Variants in ZFPM2 observed in about 807,000 individuals in gnomAD.
ZFPM2 encodes the protein zinc finger protein ZFPM2.
Under a neutral mutation model 98.6 loss-of-function variants are expected in ZFPM2, and 20 were observed. The ratio of observed to expected loss-of-function variants is 0.20; its 90% CI spans 0.14 to 0.29. The LOEUF (loss-of-function observed/expected upper bound fraction) is 0.29, where lower values mean the gene tolerates loss of function less well. Among genes scored for constraint, ZFPM2 ranks in the 10% least tolerant of loss-of-function variants. The pLI, the probability that ZFPM2 is intolerant of heterozygous loss-of-function variation, is 1.00. For synonymous variants in ZFPM2, 518 were observed against 502.7 expected, an observed-to-expected ratio of 1.03 and a Z score of -0.41; for missense variants, 1,310 against 1,388.6, an observed-to-expected ratio of 0.94 and a Z score of 0.90.
At chr8:105,766,726 C>T (rs1292192299) in intron 5 of ZFPM2, among the ~76,000 whole-genome samples, 1 of 151,820 alleles carries the variant, frequency 6.6e-6, no homozygotes, top group African/African-American at 2.4e-5. Context: ...TAATCAGACT[C>T]ATTCAGGAAA....
intron 5 of ZFPM2, among the ~76,000 whole-genome samples, chr8:105,721,255 A>C (rs572050205): frequency 2.1e-3 from 318 of 152,062 alleles, no homozygotes; most frequent in Non-Finnish European, 3.4e-3. Context: ...GGTTGAAAAA[A>C]ATCGTGTTTA....
intron 5 of ZFPM2, among the ~76,000 whole-genome samples, chr8:105,744,609 G>A (rs1289757536): frequency 6.6e-6 from 1 of 151,874 alleles, no homozygotes; most frequent in Non-Finnish European, 1.5e-5. Context: ...TCCAAACTAG[G>A]TGTGAGTTTC....
At chr8:105,640,683 A>G (rs35505911) in intron 5 of ZFPM2, among the ~76,000 whole-genome samples, 16,554 of 152,044 alleles carry the variant, frequency 0.11, 1,065 homozygotes, top group South Asian at 0.22. Context: ...GATTCTTGTA[A>G]AAGTCCGAAC....
intron 3 of ZFPM2, among the ~76,000 whole-genome samples, chr8:105,514,327 TTTTTTTTTTA>T (rs1420143147): frequency 3.0e-4 from 21 of 69,626 alleles, no homozygotes; most frequent in Non-Finnish European, 5.7e-4. Flanking sequence ...TTTTTTTTTT[TTTTTTTTTTA>T]AATAAGGGAG....
intron 4 of ZFPM2, among the ~76,000 whole-genome samples, chr8:105,626,509 C>A (rs1816658211): frequency 6.6e-6 from 1 of 152,090 alleles, no homozygotes; most frequent in Admixed American, 6.5e-5. Context: ...AAATCGCGTA[C>A]AGCACCATTT....
chr8:105,469,468 T>C (rs1051141623), intron 3 of ZFPM2, among the ~76,000 whole-genome samples: 3 of 152,206 alleles, frequency 2.0e-5, no homozygotes, highest in Non-Finnish European at 4.4e-5. Context: ...CTTCTCTACC[T>C]GCCCATTGCT....
chr8:105,571,665 T>C (rs1815357315), intron 4 of ZFPM2, among the ~76,000 whole-genome samples: 1 of 152,240 alleles, frequency 6.6e-6, no homozygotes, highest in African/African-American at 2.4e-5. Flanking sequence ...TTAGCATCAA[T>C]CTCAGCTTGA....
chr8:105,561,965 C>CT (rs1563720824), intron 4 of ZFPM2, among the ~76,000 whole-genome samples: 1 of 148,808 alleles, frequency 6.7e-6, no homozygotes, highest in Non-Finnish European at 1.5e-5. Flanking sequence ...AACAGAAAGT[C>CT]TATCTCTTGC....
intron 1 of ZFPM2, among the ~76,000 whole-genome samples, chr8:105,332,304 G>A (rs1372284686): frequency 6.6e-6 from 1 of 151,730 alleles, no homozygotes; most frequent in Non-Finnish European, 1.5e-5. Context: ...GTACTAGAAT[G>A]TAAGCTCTCT....
intron 2 of ZFPM2, among the ~76,000 whole-genome samples, chr8:105,422,412 G>A (rs1033940535): frequency 2.4e-4 from 37 of 152,110 alleles, no homozygotes; most frequent in African/African-American, 7.5e-4. Flanking sequence ...CTGCATGCCC[G>A]CCTGGGCAAC....
chr8:105,800,987 C>T lies in ZFPM2; in HGVS notation c.965-60C>T. ...AACATTAGGTCATTAGAAAAGGTCC[C>T]TGTCATTCAAAAACCAACACACATG... is the stretch of plus-strand genomic sequence containing the variant. On this transcript the variant is annotated intron_variant, in intron 7 of 7. Transcript: ENST00000407775. 2.7e-6 allele frequency: 4 copies of T among 1,487,522 alleles called. No homozygotes were observed. In the South Asian group the frequency reaches 3.9e-5, roughly 14 times the overall value. The allele number at this position is 1,487,522 out of a possible 1,614,324, so 92.1% of individuals were successfully genotyped here. A position where few individuals can be genotyped will look rare whatever the true frequency, so the allele number is the denominator to read the frequency against.
At chr8:105,625,136 G>A (rs184173906) in intron 4 of ZFPM2, among the ~76,000 whole-genome samples, 39 of 152,202 alleles carry the variant, frequency 2.6e-4, no homozygotes, top group Non-Finnish European at 4.7e-4. Flanking sequence ...AGTGGTTCTC[G>A]TTATAGGATG....
Position 105,345,540 on chromosome 8 carries a change from A to C in ZFPM2, c.40+26559A>C, listed in dbSNP as rs530916123. Among the ~76,000 whole-genome samples, 93 of 150,464 alleles carry C rather than the reference A, an allele frequency of 6.2e-4. 2 individuals carry two copies. In the South Asian group the frequency reaches 0.018, roughly 30 times the overall value. Reference sequence around the variant, plus strand: ...CAGCATCATTTCTACCATCAAGGGAAGTTCATGCTTCCTTAAACGTATGGA... The same window carrying C: ...CAGCATCATTTCTACCATCAAGGGACGTTCATGCTTCCTTAAACGTATGGA... On this transcript the variant is annotated intron_variant, in intron 1 of 7. Transcript: ENST00000407775.
chr8:105,456,371 A>G (rs1481721191), intron 3 of ZFPM2, among the ~76,000 whole-genome samples: 1 of 152,060 alleles, frequency 6.6e-6, no homozygotes, highest in Non-Finnish European at 1.5e-5. Context: ...AATCAGCTGT[A>G]GTAAACAACC....
At chr8:105,552,812 CT>C (rs781365155) in intron 3 of ZFPM2, among the ~76,000 whole-genome samples, 5,467 of 112,426 alleles carry the variant, frequency 0.049, 335 homozygotes, top group African/African-American at 0.16. Flanking sequence ...TTCAGATGTT[CT>C]TTTTTTTTTT....
intron 1 of ZFPM2, among the ~76,000 whole-genome samples, chr8:105,363,725 T>G: frequency 6.6e-6 from 1 of 151,832 alleles, no homozygotes; most frequent in South Asian, 2.1e-4. Context: ...TTGGGGAAAC[T>G]TAGGAATGCT....
intron 5 of ZFPM2, among the ~76,000 whole-genome samples, chr8:105,695,639 A>C (rs1231039230): frequency 1.3e-5 from 2 of 152,176 alleles, no homozygotes; most frequent in African/African-American, 4.8e-5. Context: ...AGAATTACTC[A>C]TGCATGCTGA....
chr8:105,394,140 G>A lies in ZFPM2; in HGVS notation c.41-25004G>A, dbSNP rs1384719890. 8.5e-5 allele frequency among the ~76,000 whole-genome samples: 13 copies of A among 152,084 alleles called. No individual in the cohort carries two copies. The South Asian group carries it at 1.7e-3, about 19-fold the overall frequency. ...TATCTCCTGACCTAGTGATTCGCCCGCCTCGGCCTCCCAAAGTGCTGGGAT... is the reference window on the plus strand; with the variant it reads ...TATCTCCTGACCTAGTGATTCGCCCACCTCGGCCTCCCAAAGTGCTGGGAT... On this transcript the variant is annotated intron_variant, in intron 1 of 7. Transcript: ENST00000407775.
At chr8:105,453,529 A>G (rs1354088474) in intron 3 of ZFPM2, among the ~76,000 whole-genome samples, 2 of 152,194 alleles carry the variant, frequency 1.3e-5, no homozygotes, top group East Asian at 1.9e-4. Flanking sequence ...GAAGAGTACA[A>G]TGAATTCCCA....
Sources: gnomAD v4.1 joint callset for allele counts (sites outside exome capture counted in the v4.1 genomes callset) on GRCh38, gnomAD v4.1.1 for gene constraint, MANE v1.5 for transcripts, NCBI Gene and HGNC (gene_info 2026-07-23, HGNC 2026-07-21) for gene names.